Variants in MACROD2 observed in about 807,000 individuals in gnomAD.
The protein encoded by MACROD2 is mono-ADP ribosylhydrolase 2.
In MACROD2, 36 loss-of-function variants were observed where a neutral mutation model predicts 70.4. The ratio of observed to expected loss-of-function variants is 0.51; its 90% CI spans 0.39 to 0.68. The LOEUF (loss-of-function observed/expected upper bound fraction) is 0.68, where lower values mean the gene tolerates loss of function less well. MACROD2 is among the 30% of genes least tolerant of loss of function. The probability of loss-of-function intolerance (pLI) is 0.00; values close to 1 mark genes in which losing one functional copy is unlikely to be tolerated. For missense variants in MACROD2, 496 were observed against 538.4 expected (o/e 0.92, Z 0.78); for synonymous variants, 172 against 178.8 (o/e 0.96, Z 0.30).
intron 5 of MACROD2, among the ~76,000 whole-genome samples, chr20:15,081,673 G>C (rs2123135538): frequency 6.6e-6 from 1 of 152,256 alleles, no homozygotes; most frequent in East Asian, 1.9e-4. Context: ...CTATAACCAA[G>C]AGGGGTGAGT....
At chr20:14,085,596 GATAT>G in intron 2 of MACROD2, 21 bp from the exon 3 acceptor site, 3 of 1,242,878 alleles carry the variant, frequency 2.4e-6, no homozygotes, top group Non-Finnish European at 2.2e-6. Flanking sequence ...TATTATTATT[GATAT>G]ATATCCATTT....
rs144022330 is a variant in MACROD2 at position 15,102,942 on chromosome 20, A to C, written c.419-126998A>C. On this transcript the variant is annotated intron_variant, in intron 5 of 17. Transcript: ENST00000684519. Reference sequence around the variant, plus strand: ...TTGCAAAAAAAAGCAAGTTGACCAAACTATTTACATTATGATGCCTTTATA... The same window carrying C: ...TTGCAAAAAAAAGCAAGTTGACCAACCTATTTACATTATGATGCCTTTATA... Among the ~76,000 whole-genome samples the C allele has an allele frequency of 7.3e-3, 1,107 of 152,192 alleles. 15 individuals are homozygous for C. The highest frequency in any genetic ancestry group is 0.025 in the African/African-American group (1,053 of 41,534).
chr20:14,017,367 A>G (rs776622672), intron 2 of MACROD2, among the ~76,000 whole-genome samples: 3 of 152,130 alleles, frequency 2.0e-5, no homozygotes, highest in Non-Finnish European at 4.4e-5. Flanking sequence ...TGTTGGCTAG[A>G]ATAAGTGAAA....
intron 3 of MACROD2, among the ~76,000 whole-genome samples, chr20:14,467,485 G>A (rs147670838): frequency 0.014 from 2,106 of 152,102 alleles, 56 homozygotes; most frequent in African/African-American, 0.046. Context: ...TGTGCTTCCC[G>A]GGTGAGGCGA....
At chr20:15,388,761 G>A (rs1237533853) in intron 6 of MACROD2, among the ~76,000 whole-genome samples, 1 of 152,166 alleles carries the variant, frequency 6.6e-6, no homozygotes, top group Non-Finnish European at 1.5e-5. Flanking sequence ...ATGTTTAGGA[G>A]TCATTGCTGG....
At chr20:14,588,956 G>T (rs4813163) in intron 4 of MACROD2, among the ~76,000 whole-genome samples, 6,362 of 152,096 alleles carry the variant, frequency 0.042, 169 homozygotes, top group African/African-American at 0.07. Context: ...ATTTTTGAAT[G>T]ATTAAATTAT....
intron 6 of MACROD2, among the ~76,000 whole-genome samples, chr20:15,296,088 G>A (rs1240988501): frequency 6.6e-6 from 1 of 152,122 alleles, no homozygotes; most frequent in African/African-American, 2.4e-5. Flanking sequence ...TAATAAATGT[G>A]CCTTTTGTTA....
chr20:14,979,198 G>T (rs572625479), intron 5 of MACROD2, among the ~76,000 whole-genome samples: 26 of 151,278 alleles, frequency 1.7e-4, no homozygotes, highest in Non-Finnish European at 3.4e-4. Context: ...AGCCTCAAAA[G>T]ATCCTCCTAC....
At chr20:14,930,145 G>A (rs1237536334) in intron 5 of MACROD2, among the ~76,000 whole-genome samples, 2 of 120,660 alleles carry the variant, frequency 1.7e-5, no homozygotes, top group Non-Finnish European at 3.5e-5. Context: ...CTGGGTGAGA[G>A]AGTGAGACTC....
At chr20:15,618,398 A>T (rs1333714591) in intron 8 of MACROD2, among the ~76,000 whole-genome samples, 1 of 152,038 alleles carries the variant, frequency 6.6e-6, no homozygotes, top group Non-Finnish European at 1.5e-5. Context: ...ACTAGATCTC[A>T]TCTCTAGTGG....
intron 8 of MACROD2, among the ~76,000 whole-genome samples, chr20:15,771,032 C>T (rs1280968938): frequency 6.6e-6 from 1 of 152,114 alleles, no homozygotes; most frequent in Non-Finnish European, 1.5e-5. Flanking sequence ...GAACAATAAT[C>T]CAATTTTCCA....
At chr20:14,796,756 A>G (rs2072514343) in intron 5 of MACROD2, among the ~76,000 whole-genome samples, 1 of 152,016 alleles carries the variant, frequency 6.6e-6, no homozygotes, top group Non-Finnish European at 1.5e-5. Context: ...ACATAGCTTT[A>G]ATATATATCT....
chr20:16,024,100 A>G (rs1346329192), intron 15 of MACROD2, among the ~76,000 whole-genome samples: 1 of 152,194 alleles, frequency 6.6e-6, no homozygotes, highest in East Asian at 1.9e-4. Flanking sequence ...TAATTGCGGC[A>G]TTGATTAATG....
chr20:15,904,716 C>T (rs1206555173), intron 10 of MACROD2, among the ~76,000 whole-genome samples: 1 of 151,834 alleles, frequency 6.6e-6, no homozygotes, highest in Non-Finnish European at 1.5e-5. Context: ...CCTGTCTCTA[C>T]TAAAAATTCA....
chr20:15,260,496 G>A (rs1271824375), intron 6 of MACROD2, among the ~76,000 whole-genome samples: 1 of 151,842 alleles, frequency 6.6e-6, no homozygotes, highest in African/African-American at 2.4e-5. Flanking sequence ...GTATTCTGTT[G>A]TGTGTATGTA....
intron 3 of MACROD2, among the ~76,000 whole-genome samples, chr20:14,100,401 A>C: frequency 6.8e-6 from 1 of 148,002 alleles, no homozygotes. Flanking sequence ...ATTAATAAAT[A>C]AGATTCGTCT....
intron 6 of MACROD2, among the ~76,000 whole-genome samples, chr20:15,390,945 G>T (rs1315673112): frequency 6.6e-6 from 1 of 152,140 alleles, no homozygotes; most frequent in East Asian, 1.9e-4. Context: ...TTGATGCATT[G>T]TTCATTTGGA....
At chr20:15,281,436 A>G (rs903852234) in intron 6 of MACROD2, among the ~76,000 whole-genome samples, 1 of 152,212 alleles carries the variant, frequency 6.6e-6, no homozygotes, top group Non-Finnish European at 1.5e-5. Context: ...GTTACTTCCT[A>G]GATACAATGG....
chr20:15,746,682 C>A (rs2051189353), intron 8 of MACROD2, among the ~76,000 whole-genome samples: 1 of 151,664 alleles, frequency 6.6e-6, no homozygotes, highest in African/African-American at 2.4e-5. Flanking sequence ...TAGGTTCCTT[C>A]TCTTCATAGT....
Sources: allele counts gnomAD v4.1 joint callset (sites outside exome capture counted in the v4.1 genomes callset), GRCh38; gene constraint gnomAD v4.1.1; transcripts MANE v1.5; gene names NCBI Gene and HGNC (gene_info 2026-07-23, HGNC 2026-07-21).